The following UBR1 variants were observed in gnomAD, a reference collection of about 807,000 sequenced individuals.
UBR1 encodes ubiquitin protein ligase E3 component n-recognin 1.
Under a neutral mutation model 242.1 loss-of-function variants are expected in UBR1, and 102 were observed. The ratio of observed to expected loss-of-function variants is 0.42; its 90% CI spans 0.36 to 0.50. UBR1 has a LOEUF of 0.50. UBR1 is among the 20% of genes least tolerant of loss of function. The pLI is 0.01. For missense variants in UBR1, 1,772 were observed against 2,101.8 expected (o/e 0.84, Z 3.07); for synonymous variants, 675 against 684.8 (o/e 0.99, Z 0.22).
rs1228475850 is a variant in UBR1 at position 42,952,347 on chromosome 15, T to G, written c.4937A>C (p.Asn1646Thr). ...AATGCAAGCTCCAACCTCTTCCCCG[T>G]TCACAATTTCCTGGCAGCAAATGTT... ...SQNICCQEIV[N>T]GEEVGACIFH... Residue 1646 changes from asparagine to threonine, a missense_variant, in exon 45 of 47, where the codon AAC becomes ACC. Asn to Thr is a moderately conservative substitution (Grantham distance 65). Transcript: ENST00000290650. 1.2e-6 allele frequency: 2 copies of G among 1,614,186 alleles called. No homozygotes were observed. Among genetic ancestry groups the G allele is most frequent in the Non-Finnish European group, 1.7e-6 (2 of 1,180,032 alleles).
intron 1 of UBR1, among the ~76,000 whole-genome samples, chr15:43,105,429 T>C (rs2034284800): frequency 6.6e-6 from 1 of 152,184 alleles, no homozygotes; most frequent in African/African-American, 2.4e-5. Flanking sequence ...GATGGGTTTC[T>C]CCACTGAGGG....
intron 22 of UBR1, 139 bp from the exon 23 acceptor site, chr15:43,026,802 T>C (rs2033184085): frequency 5.7e-6 from 4 of 698,350 alleles, no homozygotes; most frequent in Admixed American, 2.8e-5. Context: ...AAAAATTCCA[T>C]TGCAATAATA....
At position 43,002,656 on chromosome 15, in the gene UBR1, G is replaced by A; in HGVS notation, c.3558C>T (p.Asp1186=). Residue 1186 remains aspartate, a synonymous_variant, in exon 32 of 47, where the codon GAC becomes GAT. Transcript: ENST00000290650. ...ATTCTCCACTTTCCAAGTCAAAAAG[G>A]TCAACATGAATGCGCTGCTGAGAGC... ...QLSSQQRIHV[D]LFDLESGEYL... 1 of 1,614,124 alleles carries A rather than the reference G, an allele frequency of 6.2e-7. No individual in the cohort carries two copies. Among genetic ancestry groups the A allele is most frequent in the Non-Finnish European group, 8.5e-7 (1 of 1,180,026 alleles).
chr15:43,038,304 T>G (rs1384828129), intron 15 of UBR1, 72 bp from the exon 16 acceptor site: 2 of 1,484,222 alleles, frequency 1.3e-6, no homozygotes, highest in East Asian at 4.5e-5. Flanking sequence ...TCATCAAGTT[T>G]AGAAACTTGT....
intron 12 of UBR1, among the ~76,000 whole-genome samples, chr15:43,053,371 C>A (rs2033579020): frequency 6.6e-6 from 1 of 152,130 alleles, no homozygotes; most frequent in South Asian, 2.1e-4. Context: ...TATAATACTT[C>A]ACAGTAATGA....
At chr15:42,964,179 T>C (rs1274499351) in intron 41 of UBR1, 136 bp from the exon 42 acceptor site, 6 of 703,420 alleles carry the variant, frequency 8.5e-6, no homozygotes, top group Non-Finnish European at 1.5e-5. Flanking sequence ...TATAAAACCA[T>C]GGGTGGCAGT....
At chr15:43,003,993 A>G in intron 30 of UBR1, 63 bp from the exon 31 acceptor site, 1 of 1,418,010 alleles carries the variant, frequency 7.1e-7, no homozygotes, top group Non-Finnish European at 1.0e-6. Flanking sequence ...AAGTCTAATC[A>G]CAAACTGTCT....
At chr15:43,002,487 C>T in intron 32 of UBR1, 68 bp downstream of exon 32, 1 of 1,550,498 alleles carries the variant, frequency 6.4e-7, no homozygotes, top group Non-Finnish European at 8.8e-7. Flanking sequence ...TCCCAAAGTG[C>T]TGGGATCACA....
At chr15:42,955,898 T>A (rs563011272) in intron 44 of UBR1, among the ~76,000 whole-genome samples, 12 of 152,360 alleles carry the variant, frequency 7.9e-5, no homozygotes, top group African/African-American at 2.9e-4. Context: ...AAGTAACTAA[T>A]AGGTAAGTCA....
chr15:43,089,426 C>T (rs112618570), intron 1 of UBR1, among the ~76,000 whole-genome samples: 77 of 152,110 alleles, frequency 5.1e-4, no homozygotes, highest in African/African-American at 1.8e-3. Flanking sequence ...ACCCAGGAGG[C>T]GGAGCTTGCA....
chr15:43,002,601 T>G lies in UBR1; in HGVS notation c.3613A>C (p.Asn1205His). The change falls in exon 32 of 47, where the codon AAT becomes CAT. Residue 1205 changes from asparagine (N) to histidine (H), a missense_variant. Asn to His is a moderately conservative substitution (Grantham distance 68). This residue lies in a region of UBR1 where 965 missense variants were observed against 1,079.7 expected (regional missense o/e 0.89). Transcript: ENST00000290650. Reference protein sequence around the residue: ...YLCPLCKSLCNTVIPIIPLQP... With the variant: ...YLCPLCKSLCHTVIPIIPLQP... Reference sequence around the variant, plus strand: ...AAAGGAATAATGGGGATCACAGTATTGCACAGAGATTTGCAAAGAGGGCAA... The same window carrying G: ...AAAGGAATAATGGGGATCACAGTATGGCACAGAGATTTGCAAAGAGGGCAA... The G allele has an allele frequency of 6.2e-7, 1 of 1,614,138 alleles. No individual in the cohort carries two copies. Among genetic ancestry groups the G allele is most frequent in the African/African-American group, 1.3e-5 (1 of 75,030 alleles).
intron 20 of UBR1, among the ~76,000 whole-genome samples, chr15:43,031,749 G>A (rs980575988): frequency 2.6e-5 from 4 of 152,196 alleles, no homozygotes; most frequent in East Asian, 1.9e-4. Context: ...ACAGCCGGGC[G>A]CGGTGGCTCA....
chr15:43,061,787 A>G (rs1367818144), intron 6 of UBR1, among the ~76,000 whole-genome samples: 1 of 130,896 alleles, frequency 7.6e-6, no homozygotes, highest in Non-Finnish European at 1.6e-5. Context: ...GAATGATACA[A>G]TGGACTTTGG....
intron 13 of UBR1, 39 bp from the exon 14 acceptor site, chr15:43,047,328 C>T: frequency 6.2e-7 from 1 of 1,613,804 alleles, no homozygotes; most frequent in Non-Finnish European, 8.5e-7. Flanking sequence ...CTATCTGAGC[C>T]CTCTCTCTTT....
intron 42 of UBR1, 24 bp downstream of exon 42, chr15:42,963,911 A>G (rs945903160): frequency 2.6e-6 from 4 of 1,528,954 alleles, no homozygotes; most frequent in Non-Finnish European, 3.6e-6. Flanking sequence ...ATAACCCAAC[A>G]ACAATATTTT....
At chr15:42,986,250 A>G (rs2032457845) in intron 35 of UBR1, among the ~76,000 whole-genome samples, 1 of 152,120 alleles carries the variant, frequency 6.6e-6, no homozygotes, top group African/African-American at 2.4e-5. Flanking sequence ...ACAGGGACTG[A>G]GATAAGTTAG....
intron 15 of UBR1, 96 bp from the exon 16 acceptor site, chr15:43,038,328 G>C: frequency 8.0e-7 from 1 of 1,257,200 alleles, no homozygotes. Flanking sequence ...ATTTGATTTG[G>C]CTGGGCGCGG....
chr15:42,982,164 G>A (rs556701216), intron 37 of UBR1, among the ~76,000 whole-genome samples: 2 of 152,318 alleles, frequency 1.3e-5, no homozygotes, highest in African/African-American at 4.8e-5. Context: ...GTGTCACTAT[G>A]CTGGGCAATA....
intron 5 of UBR1, among the ~76,000 whole-genome samples, chr15:43,069,379 C>T (rs974199355): frequency 1.3e-5 from 2 of 151,904 alleles, no homozygotes; most frequent in African/African-American, 2.4e-5. Context: ...TGGGTTCACG[C>T]CATTCTCATG....
Sources: gnomAD v4.1 joint callset for allele counts (sites outside exome capture counted in the v4.1 genomes callset) on GRCh38, gnomAD v4.1.1 for gene constraint, gnomAD v4.1.1 regional missense constraint, MANE v1.5 for transcripts, NCBI Gene and HGNC (gene_info 2026-07-23, HGNC 2026-07-21) for gene names.